The following HERPUD2 variants were observed in gnomAD, a reference collection of about 807,000 sequenced individuals.
The protein encoded by HERPUD2 is homocysteine-responsive endoplasmic reticulum-resident ubiquitin-like domain member 2 protein.
Under a neutral mutation model 49.9 loss-of-function variants are expected in HERPUD2, and 13 were observed. The ratio of observed to expected loss-of-function variants is 0.26; its 90% confidence interval spans 0.17 to 0.41. HERPUD2 has a LOEUF of 0.41. HERPUD2 is among the 10% of genes least tolerant of loss of function. The pLI is 1.00. For missense variants in HERPUD2, 449 were observed against 492.2 expected (o/e 0.91, Z 0.83); for synonymous variants, 172 against 171.4 (o/e 1.00, Z -0.03).
chr7:35,635,136 A>T lies in HERPUD2; in HGVS notation c.940T>A (p.Leu314Ile), dbSNP rs746520791. 3.1e-6 allele frequency: 5 copies of T among 1,610,612 alleles called. No homozygotes were observed. Among genetic ancestry groups the T allele is most frequent in the Middle Eastern group, 3.3e-4 (2 of 6,056 alleles). The change falls in exon 7 of 9, where the codon TTA (leucine) becomes ATA (isoleucine). Residue 314 changes from leucine to isoleucine, a missense_variant and splice_region_variant. Leu to Ile is a conservative substitution (Grantham distance 5). Transcript: ENST00000311350. The part of the protein sequence containing the change: ...MVMGAMLLVY[L>I]HQAGWFPFRQ... ...AAAAAGTTAATGAACATCACTCACA[A>T]ATAAACCAGTAGCATGGCTCCCATT... is the stretch of plus-strand genomic sequence containing the variant.
rs185160553 is a variant in HERPUD2 at position 35,662,402 on chromosome 7, G to A, written c.494+5032C>T. On this transcript the variant is annotated intron_variant, in intron 5 of 8. Transcript: ENST00000311350. ...TACTGGCCTCATAAAATGAATTAGG[G>A]AGGATCCCCTCTTTTTCTATTGATT... Among the ~76,000 whole-genome samples, 7 of 152,296 alleles carry A rather than the reference G, an allele frequency of 4.6e-5. No individual in the cohort carries two copies. In the East Asian group the frequency reaches 1.3e-3, roughly 29 times the overall value.
chr7:35,650,979 A>T (rs1403763142), intron 5 of HERPUD2, among the ~76,000 whole-genome samples: 2 of 152,048 alleles, frequency 1.3e-5, no homozygotes, highest in Non-Finnish European at 2.9e-5. Context: ...TGCACCATCC[A>T]CAACTGTTGG....
At chr7:35,678,736 GTTTT>G (rs563614360) in intron 2 of HERPUD2, among the ~76,000 whole-genome samples, 4 of 152,024 alleles carry the variant, frequency 2.6e-5, no homozygotes, top group Non-Finnish European at 4.4e-5. Flanking sequence ...TCTAACTTAT[GTTTT>G]TTTATTTTTG....
chr7:35,677,488 T>A (rs1169622811), intron 2 of HERPUD2, among the ~76,000 whole-genome samples: 2 of 152,176 alleles, frequency 1.3e-5, no homozygotes, highest in Admixed American at 6.5e-5. Context: ...ATGACATTGA[T>A]AAAGGTAATC....
intron 5 of HERPUD2, among the ~76,000 whole-genome samples, chr7:35,662,526 C>T (rs1163829600): frequency 6.6e-6 from 1 of 152,134 alleles, no homozygotes; most frequent in Non-Finnish European, 1.5e-5. Flanking sequence ...GGTTGGTAGG[C>T]TATTAATTAT....
intron 5 of HERPUD2, among the ~76,000 whole-genome samples, chr7:35,657,791 C>T (rs1271121438): frequency 1.3e-5 from 2 of 149,586 alleles, no homozygotes; most frequent in Non-Finnish European, 3.0e-5. Context: ...CTGTGGCGGG[C>T]GCCTGTAGTC....
chr7:35,647,009 C>A (rs1319178909), intron 5 of HERPUD2, among the ~76,000 whole-genome samples: 1 of 152,094 alleles, frequency 6.6e-6, no homozygotes, highest in South Asian at 2.1e-4. Flanking sequence ...GACTGTCATT[C>A]ACAATTATAT....
intron 5 of HERPUD2, among the ~76,000 whole-genome samples, chr7:35,645,888 T>C (rs11770864): frequency 0.13 from 19,560 of 152,250 alleles, 1,527 homozygotes; most frequent in East Asian, 0.25. Flanking sequence ...GTGTAAGACA[T>C]AGAAATGAAA....
intron 2 of HERPUD2, among the ~76,000 whole-genome samples, chr7:35,692,232 C>T (rs1786208997): frequency 6.6e-6 from 1 of 152,216 alleles, no homozygotes; most frequent in African/African-American, 2.4e-5. Flanking sequence ...CAGTGCTGCA[C>T]AGGCAGACCT....
At chr7:35,681,357 G>T (rs1375753478) in intron 2 of HERPUD2, among the ~76,000 whole-genome samples, 1 of 152,086 alleles carries the variant, frequency 6.6e-6, no homozygotes, top group Admixed American at 6.5e-5. Context: ...TTCCTACATT[G>T]CTGGTAGGAA....
At chr7:35,693,932 G>A (rs766199622) in intron 2 of HERPUD2, among the ~76,000 whole-genome samples, 7 of 151,918 alleles carry the variant, frequency 4.6e-5, no homozygotes, top group Non-Finnish European at 8.8e-5. Context: ...CACCGCGCCC[G>A]GTCTTTGCCT....
intron 5 of HERPUD2, among the ~76,000 whole-genome samples, chr7:35,658,939 G>A (rs1414744992): frequency 1.3e-5 from 2 of 152,172 alleles, no homozygotes; most frequent in Non-Finnish European, 2.9e-5. Flanking sequence ...TGTTAGATTG[G>A]CAGACTTCTG....
chr7:35,635,652 C>T (rs1784860171), intron 6 of HERPUD2, among the ~76,000 whole-genome samples, 194 bp from the exon 7 acceptor site: 1 of 152,058 alleles, frequency 6.6e-6, no homozygotes, highest in African/African-American at 2.4e-5. Flanking sequence ...AGATGTCGCA[C>T]AGGAAAGGAT....
At chr7:35,672,545 T>C (rs1171049835) in intron 3 of HERPUD2, among the ~76,000 whole-genome samples, 2 of 151,912 alleles carry the variant, frequency 1.3e-5, no homozygotes, top group Non-Finnish European at 2.9e-5. Context: ...TAGAGTTAAG[T>C]CAAAGATCTA....
chr7:35,685,420 C>G (rs191332586), intron 2 of HERPUD2, among the ~76,000 whole-genome samples: 11 of 150,418 alleles, frequency 7.3e-5, no homozygotes, highest in African/African-American at 2.4e-4. Context: ...GCCTCCCAGG[C>G]TTAAGCAATT....
intron 5 of HERPUD2, among the ~76,000 whole-genome samples, chr7:35,661,070 G>C (rs924472440): frequency 1.3e-5 from 2 of 152,190 alleles, no homozygotes; most frequent in Non-Finnish European, 2.9e-5. Context: ...GTGTAAGGAA[G>C]GGATCTAGTT....
chr7:35,674,404 TAGAGAGAGAGAGAGAGAG>T (rs3999932), intron 2 of HERPUD2, among the ~76,000 whole-genome samples: 859 of 38,042 alleles, frequency 0.023, 61 homozygotes, highest in Admixed American at 0.057. Flanking sequence ...TATATATATA[TAGAGAGAGAGAGAGAGAG>T]AGAGAGAGAG....
intron 5 of HERPUD2, among the ~76,000 whole-genome samples, chr7:35,656,087 G>A (rs1249193801): frequency 6.6e-6 from 1 of 152,112 alleles, no homozygotes; most frequent in African/African-American, 2.4e-5. Flanking sequence ...TCTTGAACCA[G>A]AGAGACAGAG....
intron 2 of HERPUD2, among the ~76,000 whole-genome samples, chr7:35,679,417 A>C (rs1785831783): frequency 6.6e-6 from 1 of 152,170 alleles, no homozygotes; most frequent in Non-Finnish European, 1.5e-5. Context: ...ACACCTACTA[A>C]ACAGAACAGT....
Sources: gnomAD v4.1 joint callset for allele counts (sites outside exome capture counted in the v4.1 genomes callset) on GRCh38, gnomAD v4.1.1 for gene constraint, MANE v1.5 for transcripts, NCBI Gene and HGNC (gene_info 2026-07-23, HGNC 2026-07-21) for gene names.